Variants in PRUNE2 observed in about 807,000 individuals in gnomAD.
The protein encoded by PRUNE2 is protein prune homolog 2.
Under a neutral mutation model 252.0 loss-of-function variants are expected in PRUNE2, and 164 were observed. That is an observed-to-expected ratio of 0.65 (90% CI 0.57 to 0.74). PRUNE2 has a LOEUF of 0.74. Among genes scored for constraint, PRUNE2 ranks in the 30% least tolerant of loss-of-function variants. PRUNE2 has a pLI of 0.00. For synonymous variants in PRUNE2, 1,292 were observed against 1,350.2 expected, an observed-to-expected ratio of 0.96 and a Z score of 0.94; for missense variants, 3,495 against 3,711.0, an observed-to-expected ratio of 0.94 and a Z score of 1.51.
At chr9:76,719,219 A>G (rs115952767) in intron 6 of PRUNE2, among the ~76,000 whole-genome samples, 1 of 152,122 alleles carries the variant, frequency 6.6e-6, no homozygotes, top group Non-Finnish European at 1.5e-5. Context: ...TTCCCAATGC[A>G]ATTATTATTA....
In PRUNE2 at chr9:76,672,810, A is replaced by G. The variant is rs1190568611; in HGVS notation, c.8277-17308T>C. On this transcript the variant is annotated intron_variant, in intron 9 of 18. Transcript: ENST00000376718. ...ACCTGCTCCTGAATGACTACTGGGT[A>G]CATAACGAAATGAAGGCAGAAATAA... is the stretch of plus-strand genomic sequence containing the variant. 5.1e-4 allele frequency among the ~76,000 whole-genome samples: 70 copies of G among 136,660 alleles called. No homozygotes were observed. The Middle Eastern group carries it at 0.014, about 28-fold the overall frequency. 89.7% of individuals were successfully genotyped at this position (136,660 alleles called of 152,430 possible). A position where few individuals can be genotyped will look rare whatever the true frequency, so the allele number is the denominator to read the frequency against.
chr9:76,821,918 C>T (rs1476327109), intron 6 of PRUNE2, among the ~76,000 whole-genome samples: 8 of 152,034 alleles, frequency 5.3e-5, no homozygotes, highest in Non-Finnish European at 7.4e-5. Context: ...CAGACAGTTC[C>T]CTAAGCAATT....
intron 1 of PRUNE2, among the ~76,000 whole-genome samples, chr9:76,888,312 C>T (rs1046638892): frequency 1.1e-4 from 16 of 152,190 alleles, no homozygotes; most frequent in Non-Finnish European, 2.1e-4. Flanking sequence ...GGCACGGTGG[C>T]TCACGCCTGT....
chr9:76,615,605 A>G (rs929515379), intron 18 of PRUNE2, among the ~76,000 whole-genome samples: 1 of 152,060 alleles, frequency 6.6e-6, no homozygotes, highest in Non-Finnish European at 1.5e-5. Context: ...CTAAGTTTCC[A>G]TTTCTGTATC....
At position 76,711,346 on chromosome 9, in the gene PRUNE2, G is replaced by T; in HGVS notation, c.928C>A (p.Leu310Met). Reference sequence around the variant, plus strand: ...AGGCAAGGGTTCTGACACTCTTCCAGCTCACAGCAAATCTGTCGGAAGGCA... The same window carrying T: ...AGGCAAGGGTTCTGACACTCTTCCATCTCACAGCAAATCTGTCGGAAGGCA... ...MELCSQICCE[L>M]EECQNPCLEL... is the part of the protein sequence containing the mutation. The change falls in exon 8 of 19, where the codon CTG becomes ATG. Residue 310 changes from leucine (L) to methionine (M), a missense_variant. Physicochemically the swap from Leu to Met is conservative, Grantham distance 15. Coordinates refer to ENST00000376718, the MANE Select transcript of PRUNE2 (RefSeq NM_015225.3). 1 of 1,610,124 alleles carries T rather than the reference G, an allele frequency of 6.2e-7. No individual in the cohort carries two copies. The highest frequency in any genetic ancestry group is 8.5e-7 in the Non-Finnish European group (1 of 1,178,010).
chr9:76,785,410 G>A (rs945438619), intron 6 of PRUNE2: 1 of 152,210 alleles, frequency 6.6e-6, no homozygotes, highest in Non-Finnish European at 1.5e-5. Context: ...GGGCACGTTT[G>A]TAAGCCTGGG....
At chr9:76,648,785 G>A (rs180925555) in intron 11 of PRUNE2, among the ~76,000 whole-genome samples, 1 of 152,332 alleles carries the variant, frequency 6.6e-6, no homozygotes, top group African/African-American at 2.4e-5. Context: ...TTGGAATCGT[G>A]ATGATACTAC....
Position 76,843,391 on chromosome 9 carries a change from C to A in PRUNE2, c.508+3124G>T, listed in dbSNP as rs368355198. Among the ~76,000 whole-genome samples, 240 of 152,224 alleles carry A rather than the reference C, an allele frequency of 1.6e-3. 1 individual carries two copies. The highest frequency in any genetic ancestry group is 5.5e-3 in the African/African-American group (227 of 41,540). On this transcript the variant is annotated intron_variant, in intron 4 of 18. Transcript: ENST00000376718. ...AATGTAGGTGATGGATTGATGGGTG[C>A]AGCAAACCACCATGGCACGTGTATA...
chr9:76,707,932 C>G lies in PRUNE2; in HGVS notation c.4342G>C (p.Asp1448His), dbSNP rs2046425992. Residue 1448 changes from aspartate to histidine, a missense_variant, in exon 8 of 19, where the codon GAT becomes CAT. Physicochemically the swap from Asp to His is moderately conservative, Grantham distance 81. Coordinates refer to ENST00000376718, the MANE Select transcript of PRUNE2 (RefSeq NM_015225.3). Reference sequence around the variant, plus strand: ...ACATATTTTGTGAAATTCATCCCATCTGAAGTCTCAGTAGTTTCACCTGAA... The same window carrying G: ...ACATATTTTGTGAAATTCATCCCATGTGAAGTCTCAGTAGTTTCACCTGAA... ...RNSGETTETS[D>H]GMNFTKYVSV... 3 of 1,613,828 alleles carry G rather than the reference C, an allele frequency of 1.9e-6. No homozygotes were observed. Among genetic ancestry groups the G allele is most frequent in the Admixed American group, 1.7e-5 (1 of 60,002 alleles).
intron 1 of PRUNE2, among the ~76,000 whole-genome samples, chr9:76,899,078 C>G (rs2063014799): frequency 6.6e-6 from 1 of 152,240 alleles, no homozygotes; most frequent in Admixed American, 6.5e-5. Context: ...CTGCCAATCT[C>G]TCTCATGATA....
intron 6 of PRUNE2, among the ~76,000 whole-genome samples, chr9:76,787,958 A>C (rs1196748904): frequency 3.3e-5 from 5 of 151,812 alleles, no homozygotes; most frequent in Non-Finnish European, 4.4e-5. Flanking sequence ...GTTCCTTCCC[A>C]CACATGGCCT....
chr9:76,655,386 A>G (rs773859426), intron 10 of PRUNE2, 37 bp downstream of exon 10: 8 of 1,430,708 alleles, frequency 5.6e-6, no homozygotes, highest in African/African-American at 1.4e-5. Context: ...TGGGATACAG[A>G]ATACCAACGA....
rs1320450458 is a variant in PRUNE2 at position 76,711,212 on chromosome 9, G to A, written c.1062C>T (p.Asn354=). 1 of 1,613,934 alleles carries A rather than the reference G, an allele frequency of 6.2e-7. No individual in the cohort carries two copies. The highest frequency in any genetic ancestry group is 1.7e-5 in the Admixed American group (1 of 60,018). ...TGGAGACCATCTCTGGACACCTCCT[G>A]TTGATGACTTCCTTGACAACGAGAA... ...QVVLVVKEVI[N]RRCPEMVSNS... The change falls in exon 8 of 19, where the codon AAC becomes AAT. Residue 354 remains asparagine, a synonymous_variant. Transcript: ENST00000376718.
At chr9:76,699,997 T>A (rs2045740457) in intron 9 of PRUNE2, among the ~76,000 whole-genome samples, 1 of 152,206 alleles carries the variant, frequency 6.6e-6, no homozygotes, top group African/African-American at 2.4e-5. Flanking sequence ...AGCTGGAGGA[T>A]GACCAAGGTG....
Position 76,709,499 on chromosome 9 carries a change from A to G in PRUNE2, c.2775T>C (p.Asn925=). 1 of 1,613,962 alleles carries G rather than the reference A, an allele frequency of 6.2e-7. No individual in the cohort carries two copies. Among genetic ancestry groups the G allele is most frequent in the Non-Finnish European group, 8.5e-7 (1 of 1,179,870 alleles). The change falls in exon 8 of 19, where the codon AAT becomes AAC. Residue 925 remains asparagine (N), a synonymous_variant. Transcript: ENST00000376718. ...KVDSWNLFEE[N]MKKGGSDVLV... Reference sequence around the variant, plus strand: ...GGACATCTGACCCTCCTTTCTTCATATTCTCCTCAAAAAGGTTCCAGGAAT... The same window carrying G: ...GGACATCTGACCCTCCTTTCTTCATGTTCTCCTCAAAAAGGTTCCAGGAAT...
At chr9:76,839,094 C>T (rs1003327277) in intron 4 of PRUNE2, among the ~76,000 whole-genome samples, 1 of 151,768 alleles carries the variant, frequency 6.6e-6, no homozygotes, top group Non-Finnish European at 1.5e-5. Flanking sequence ...GAAGGAACAA[C>T]GTCCAAATTT....
At chr9:76,785,637 T>C (rs1392918332) in intron 6 of PRUNE2, 1 of 152,142 alleles carries the variant, frequency 6.6e-6, no homozygotes, top group Non-Finnish European at 1.5e-5. Flanking sequence ...TTGTAGTTAA[T>C]TGAAAGAAAT....
At chr9:76,843,292 G>A (rs2059492119) in intron 4 of PRUNE2, among the ~76,000 whole-genome samples, 1 of 152,140 alleles carries the variant, frequency 6.6e-6, no homozygotes, top group Non-Finnish European at 1.5e-5. Context: ...CATGGACACA[G>A]GGTGGGGAAT....
At chr9:76,788,495 C>G in intron 6 of PRUNE2, 1 of 721,358 alleles carries the variant, frequency 1.4e-6, no homozygotes. Context: ...TCTCTATTCA[C>G]CAGCCATGTG....
Sources: gnomAD v4.1 joint callset for allele counts (sites outside exome capture counted in the v4.1 genomes callset) on GRCh38, gnomAD v4.1.1 for gene constraint, MANE v1.5 for transcripts, NCBI Gene and HGNC (gene_info 2026-07-23, HGNC 2026-07-21) for gene names.